The following PDILT variants were observed in gnomAD, a reference collection of about 807,000 sequenced individuals.
PDILT encodes the protein protein disulfide-isomerase-like protein of the testis.
A neutral mutation model predicts 53.7 loss-of-function variants in PDILT; 43 were observed. The observed-to-expected ratio is 0.80, with a 90% CI of 0.63 to 1.03. PDILT has a LOEUF of 1.03. Ranked by LOEUF, PDILT falls within the 50% of genes least tolerant of loss-of-function variation. PDILT has a pLI of 0.00. For missense variants in PDILT, 727 were observed against 712.3 expected (o/e 1.02, Z -0.24); for synonymous variants, 282 against 274.2 (o/e 1.03, Z -0.28).
At position 20,372,981 on chromosome 16, in the gene PDILT, C is replaced by T. The variant is rs777868527; in HGVS notation, c.792+31G>A. The stretch of plus-strand genomic sequence containing the variant: ...CAAGCACACACAGTGGCCCCAGCTC[C>T]CCTTCCTCCGGGGACCATTTACTCA... On this transcript the variant is annotated intron_variant, in intron 6 of 11. Transcript: ENST00000302451. The T allele has an allele frequency of 5.0e-6, 8 of 1,613,348 alleles. No individual in the cohort carries two copies. In the South Asian group the frequency reaches 6.6e-5, roughly 13 times the overall value.
chr16:20,393,945 ACACTG>A (rs1966634126), intron 2 of PDILT, among the ~76,000 whole-genome samples: 1 of 152,200 alleles, frequency 6.6e-6, no homozygotes, highest in Non-Finnish European at 1.5e-5. Flanking sequence ...TTTCTTTTAA[ACACTG>A]CATGGGCCAG....
chr16:20,367,024 C>CTTCCT (rs1555489416), intron 8 of PDILT, among the ~76,000 whole-genome samples: 2 of 76,190 alleles, frequency 2.6e-5, no homozygotes, highest in South Asian at 5.5e-4. Flanking sequence ...CTCTCTCTTT[C>CTTCCT]TTCTTTCTTT....
intron 1 of PDILT, among the ~76,000 whole-genome samples, chr16:20,402,570 A>T (rs958824700): frequency 2.0e-5 from 3 of 152,238 alleles, no homozygotes; most frequent in African/African-American, 7.2e-5. Context: ...AAGTGTTGGG[A>T]TGACAGGCAT....
chr16:20,399,206 T>C lies in PDILT; in HGVS notation c.95A>G (p.His32Arg), dbSNP rs142253591. Residue 32 changes from histidine to arginine, a missense_variant, in exon 2 of 12, where the codon CAC becomes CGC. Transcript: ENST00000302451. ...PEVNAGVSSI[H>R]ITKPVHILEE... ...CAGGATGTGCACAGGCTTGGTTATG[T>C]GGATGCTGGAAACACCGGCGTTAAC... The C allele has an allele frequency of 6.2e-7, 1 of 1,614,152 alleles. No homozygotes were observed.
rs1438078278 is a variant in PDILT at position 20,367,079 on chromosome 16, CTTTCTTTCTTTCTTTCTTTCT to C, written c.1117-1560_1117-1540del. ...TCTTTCTTTCTTTCTTTCTTTCTTTCTTTCTTTCTTTCTTTCTTTCTTTCTTCCTTTCTTTCCTTTTGAGAC... is the reference window on the plus strand; with the variant it reads ...TCTTTCTTTCTTTCTTTCTTTCTTTCTTCTTCCTTTCTTTCCTTTTGAGAC... On this transcript the variant is annotated intron_variant, in intron 8 of 11. Coordinates refer to ENST00000302451, the MANE Select transcript of PDILT (RefSeq NM_174924.2). Among the ~76,000 whole-genome samples, 153 of 120,278 alleles carry C rather than the reference CTTTCTTTCTTTCTTTCTTTCT, an allele frequency of 1.3e-3. 3 individuals are homozygous for C. The highest frequency in any genetic ancestry group is 5.0e-3 in the African/African-American group (148 of 29,800). 78.9% of individuals were successfully genotyped at this position (120,278 alleles called of 152,430 possible).
At chr16:20,396,688 C>A (rs1966666339) in intron 2 of PDILT, among the ~76,000 whole-genome samples, 1 of 152,244 alleles carries the variant, frequency 6.6e-6, no homozygotes, top group Non-Finnish European at 1.5e-5. Flanking sequence ...CACTTCAGAG[C>A]ACCCAAAGTA....
At chr16:20,404,156 TTGAA>T (rs905705901) in intron 1 of PDILT, among the ~76,000 whole-genome samples, 39 of 152,306 alleles carry the variant, frequency 2.6e-4, no homozygotes, top group African/African-American at 8.9e-4. Flanking sequence ...TGAATGTTTG[TTGAA>T]TGAATGAATG....
intron 3 of PDILT, among the ~76,000 whole-genome samples, chr16:20,381,715 C>T (rs547850350): frequency 6.6e-6 from 1 of 151,934 alleles, no homozygotes; most frequent in African/African-American, 2.4e-5. Context: ...ACTGCTCATC[C>T]TAAAATCCAG....
At chr16:20,387,579 C>A (rs1195697698) in intron 2 of PDILT, among the ~76,000 whole-genome samples, 3 of 152,026 alleles carry the variant, frequency 2.0e-5, no homozygotes, top group African/African-American at 7.2e-5. Context: ...GGGTTTGGAG[C>A]AGAGGTGGAG....
chr16:20,403,330 C>T (rs1275965472), intron 1 of PDILT, among the ~76,000 whole-genome samples: 1 of 152,206 alleles, frequency 6.6e-6, no homozygotes, highest in East Asian at 1.9e-4. Flanking sequence ...GCTCTTGTTG[C>T]CCAGGCTGGA....
chr16:20,359,395 T>C lies in PDILT; in HGVS notation c.1679A>G (p.Glu560Gly). The C allele has an allele frequency of 3.1e-6, 5 of 1,614,162 alleles. No individual in the cohort carries two copies. Among genetic ancestry groups the C allele is most frequent in the Non-Finnish European group, 4.2e-6 (5 of 1,180,022 alleles). Residue 560 changes from glutamate (E) to glycine (G), a missense_variant, in exon 12 of 12, where the codon GAG (glutamate) becomes GGG (glycine). Physicochemically the swap from Glu to Gly is moderately conservative, Grantham distance 98. Transcript: ENST00000302451. ...EPAGKKKTSE[E>G]VVVVVAKPKG... Reference sequence around the variant, plus strand: ...TGGCTTAGCCACCACCACCACCACCTCCTCAGATGTTTTCTTCTTCCCAGC... The same window carrying C: ...TGGCTTAGCCACCACCACCACCACCCCCTCAGATGTTTTCTTCTTCCCAGC...
Position 20,399,142 on chromosome 16 carries a change from C to T in PDILT, c.159G>A (p.Leu53=). 1 of 1,614,182 alleles carries T rather than the reference C, an allele frequency of 6.2e-7. No individual in the cohort carries two copies. Among genetic ancestry groups the T allele is most frequent in the African/African-American group, 1.3e-5 (1 of 75,050 alleles). Residue 53 remains leucine (L), a synonymous_variant, in exon 2 of 12, where the codon CTG becomes CTA. Coordinates refer to ENST00000302451, the MANE Select transcript of PDILT (RefSeq NM_174924.2). ...RSLLVLTPAG[L]TQMLNQTRFL... ...AGCGGGTCTGGTTCAGCATCTGGGT[C>T]AGGCCAGCGGGCGTTAGCACTAGGA...
At chr16:20,379,457 C>T (rs753931005) in intron 3 of PDILT, among the ~76,000 whole-genome samples, 7 of 151,774 alleles carry the variant, frequency 4.6e-5, no homozygotes, top group Non-Finnish European at 8.8e-5. Flanking sequence ...TGAGCCACCA[C>T]GCCCAGCCCA....
At chr16:20,381,433 G>A (rs1386925774) in intron 3 of PDILT, among the ~76,000 whole-genome samples, 1 of 151,950 alleles carries the variant, frequency 6.6e-6, no homozygotes, top group Non-Finnish European at 1.5e-5. Flanking sequence ...TCAAGAGATT[G>A]AGACCATCCT....
chr16:20,402,717 C>T (rs1418417536), intron 1 of PDILT, among the ~76,000 whole-genome samples: 2 of 152,244 alleles, frequency 1.3e-5, no homozygotes, highest in African/African-American at 2.4e-5. Context: ...GAAATAGTCT[C>T]TCTCTGCCCT....
chr16:20,363,279 T>G (rs964793826), intron 9 of PDILT, among the ~76,000 whole-genome samples: 1 of 152,190 alleles, frequency 6.6e-6, no homozygotes, highest in African/African-American at 2.4e-5. Flanking sequence ...CAAGAGATCC[T>G]TCCATCTCAG....
rs573731120 is a variant in PDILT, at chr16:20,377,997, G to A, written c.410-1796C>T. ...GAAAGAAAGAAAAGAATGCTCTGGA[G>A]TTAACTAGGAGGCATTAAGGAGAGG... On this transcript the variant is annotated intron_variant, in intron 3 of 11. Coordinates refer to ENST00000302451, the MANE Select transcript of PDILT (RefSeq NM_174924.2). Among the ~76,000 whole-genome samples, 12 of 152,012 alleles carry A rather than the reference G, an allele frequency of 7.9e-5. No homozygotes were observed. In the South Asian group the frequency reaches 2.5e-3, roughly 32 times the overall value.
chr16:20,384,469 T>G (rs1230053312), intron 3 of PDILT, among the ~76,000 whole-genome samples, 176 bp downstream of exon 3: 1 of 152,116 alleles, frequency 6.6e-6, no homozygotes, highest in Non-Finnish European at 1.5e-5. Flanking sequence ...AACTGCTGGC[T>G]GGATACAGAG....
At position 20,376,092 on chromosome 16, in the gene PDILT, G is replaced by C; in HGVS notation, c.519C>G (p.Pro173=). Residue 173 remains proline, a synonymous_variant, in exon 4 of 12, where the codon CCC becomes CCG. Coordinates refer to ENST00000302451, the MANE Select transcript of PDILT (RefSeq NM_174924.2). ...EQVAEFVISR[P]LVIVGFFQDL... ...CCTGGAAGAAGCCAACGATGACCAAGGGCCTGGATATCACAAACTCTGCCA... is the reference window on the plus strand; with the variant it reads ...CCTGGAAGAAGCCAACGATGACCAACGGCCTGGATATCACAAACTCTGCCA... The C allele has an allele frequency of 6.2e-7, 1 of 1,614,058 alleles. No individual in the cohort carries two copies. Among genetic ancestry groups the C allele is most frequent in the South Asian group, 1.1e-5 (1 of 91,070 alleles).
Sources: gnomAD v4.1 joint callset for allele counts (sites outside exome capture counted in the v4.1 genomes callset) on GRCh38, gnomAD v4.1.1 for gene constraint, MANE v1.5 for transcripts, NCBI Gene and HGNC (gene_info 2026-07-23, HGNC 2026-07-21) for gene names.